NTRK3: variants seen among roughly 807,000 people sequenced by gnomAD.
The protein encoded by NTRK3 is NT-3 growth factor receptor.
NTRK3 carries 24 observed loss-of-function variants against 91.7 expected under a neutral mutation model. The ratio of observed to expected loss-of-function variants is 0.26; its 90% confidence interval spans 0.19 to 0.37. The LOEUF (loss-of-function observed/expected upper bound fraction) is 0.37. Among genes scored for constraint, NTRK3 ranks in the 10% least tolerant of loss-of-function variants. The pLI is 1.00. For missense variants in NTRK3, 880 were observed against 1,068.9 expected, an observed-to-expected ratio of 0.82 and a Z score of 2.46; for synonymous variants, 483 against 404.0, an observed-to-expected ratio of 1.20 and a Z score of -2.34.
intron 14 of NTRK3, among the ~76,000 whole-genome samples, chr15:87,964,383 A>G (rs1596439439): frequency 1.3e-5 from 2 of 150,692 alleles, no homozygotes; most frequent in Admixed American, 1.3e-4. Context: ...TAGTTTATAT[A>G]TTATATATTT....
At chr15:87,953,031 C>T (rs2071301612) in intron 14 of NTRK3, among the ~76,000 whole-genome samples, 1 of 152,180 alleles carries the variant, frequency 6.6e-6, no homozygotes, top group Non-Finnish European at 1.5e-5. Context: ...ATCCATGCTT[C>T]CCCCTGTCGA....
chr15:88,123,778 G>C (rs1002489276), intron 13 of NTRK3, among the ~76,000 whole-genome samples: 1 of 152,198 alleles, frequency 6.6e-6, no homozygotes, highest in Admixed American at 6.5e-5. Flanking sequence ...GCAATTGGTT[G>C]AAAGAGTTAT....
Position 87,955,653 on chromosome 15 carries a change from C to T in NTRK3, c.1586-14900G>A, listed in dbSNP as rs1240490994. Among the ~76,000 whole-genome samples the T allele has an allele frequency of 6.6e-5, 10 of 152,294 alleles. No individual in the cohort carries two copies. The East Asian group carries it at 1.5e-3, about 24-fold the overall frequency. ...AGCTGGAAATGTTCACCTACACCAACGCCTCTGAGTAACCCTTGCTCCAAA... is the reference window on the plus strand; with the variant it reads ...AGCTGGAAATGTTCACCTACACCAATGCCTCTGAGTAACCCTTGCTCCAAA... On this transcript the variant is annotated intron_variant, in intron 14 of 18. Coordinates refer to ENST00000394480, the Ensembl canonical transcript of NTRK3.
Position 88,241,289 on chromosome 15 carries a change from G to T in NTRK3, c.248+14617C>A, listed in dbSNP as rs2052326863. ...GGGGCCTCAAGGTCAGAGCATGCCT[G>T]CCCAGACAGCAGGCAACAGCAGTCC... is the stretch of plus-strand genomic sequence containing the variant. On this transcript the variant is annotated intron_variant, in intron 3 of 18. Transcript: ENST00000394480. The surrounding 1 kb of genome is among the most constrained non-coding windows in gnomAD (Gnocchi z 4.3). Among the ~76,000 whole-genome samples the T allele has an allele frequency of 6.6e-6, 1 of 152,150 alleles. No individual in the cohort carries two copies. The highest frequency in any genetic ancestry group is 1.5e-5 in the Non-Finnish European group (1 of 68,016).
rs1170374813 is a variant in NTRK3 at position 88,233,795 on chromosome 15, C to G, written c.248+22111G>C. 9.9e-5 allele frequency among the ~76,000 whole-genome samples: 15 copies of G among 151,930 alleles called. No homozygotes were observed. The highest frequency in any genetic ancestry group is 5.9e-5 in the Non-Finnish European group (4 of 67,996). ...CTCCTCCCCTGACATCCAGTGCTCC[C>G]CCTCCCTGCCTTGTCCAAGAGAATC... On this transcript the variant is annotated intron_variant, in intron 3 of 18. Transcript: ENST00000394480. This position sits in a 1 kb window ranked among gnomAD's most constrained non-coding sequence, Gnocchi z 4.2.
intron 17 of NTRK3, among the ~76,000 whole-genome samples, chr15:87,910,789 T>A (rs1321681464): frequency 6.6e-6 from 1 of 152,148 alleles, no homozygotes. Flanking sequence ...AAGAATACTA[T>A]GCATCACTGG....
intron 13 of NTRK3, among the ~76,000 whole-genome samples, chr15:88,091,668 A>G (rs997595627): frequency 2.0e-5 from 3 of 152,144 alleles, no homozygotes; most frequent in African/African-American, 7.2e-5. Context: ...GCACAAGAGT[A>G]GGGAGATCAC....
chr15:87,999,049 G>C (rs960711035), intron 14 of NTRK3, among the ~76,000 whole-genome samples: 1 of 152,108 alleles, frequency 6.6e-6, no homozygotes, highest in Non-Finnish European at 1.5e-5. Flanking sequence ...AGTCTGCCCA[G>C]GGTATGAAAG....
At chr15:88,252,489 CTT>C (rs1394044020) in intron 3 of NTRK3, 1 of 152,302 alleles carries the variant, frequency 6.6e-6, no homozygotes, top group Non-Finnish European at 1.5e-5. Flanking sequence ...AGCCCGTGGT[CTT>C]TGCAAGCCGA....
chr15:88,215,640 G>C (rs1246413713), intron 3 of NTRK3, among the ~76,000 whole-genome samples: 1 of 152,214 alleles, frequency 6.6e-6, no homozygotes, highest in African/African-American at 2.4e-5. Context: ...TCTAATGCTA[G>C]CAACACAATT....
chr15:88,137,495 C>G (rs778539769), exon 7 of NTRK3: 1 of 1,614,200 alleles, frequency 6.2e-7, no homozygotes, highest in Non-Finnish European at 8.5e-7. Flanking sequence ...TGGCCTCCCC[C>G]TGCTCCTGCC....
chr15:88,100,883 T>C (rs951124912), intron 13 of NTRK3, among the ~76,000 whole-genome samples: 1 of 152,300 alleles, frequency 6.6e-6, no homozygotes, highest in African/African-American at 2.4e-5. Context: ...GATTAAAGAC[T>C]TAAATGTTAG....
chr15:88,002,769 A>G (rs1315682233), intron 14 of NTRK3, among the ~76,000 whole-genome samples: 1 of 152,130 alleles, frequency 6.6e-6, no homozygotes, highest in African/African-American at 2.4e-5. Flanking sequence ...CTTTAAACCA[A>G]CAGAAAATTA....
chr15:87,998,410 T>A (rs1841551), intron 14 of NTRK3, among the ~76,000 whole-genome samples: 1 of 152,116 alleles, frequency 6.6e-6, no homozygotes, highest in East Asian at 1.9e-4. Flanking sequence ...CATGGCCACA[T>A]GGCCAAGGAC....
intron 13 of NTRK3, among the ~76,000 whole-genome samples, chr15:88,033,334 A>C (rs1187815227): frequency 6.7e-6 from 1 of 149,846 alleles, no homozygotes; most frequent in Non-Finnish European, 1.5e-5. Context: ...TAAATGAAAT[A>C]GAGTCTCTCT....
At chr15:88,245,564 G>A (rs764535347) in intron 3 of NTRK3, among the ~76,000 whole-genome samples, 11 of 152,162 alleles carry the variant, frequency 7.2e-5, no homozygotes, top group Non-Finnish European at 1.5e-4. Context: ...AGATTAATCT[G>A]TTAGGGTGTG....
chr15:87,959,371 T>C (rs560965121), intron 14 of NTRK3, among the ~76,000 whole-genome samples: 1 of 152,294 alleles, frequency 6.6e-6, no homozygotes, highest in African/African-American at 2.4e-5. Context: ...CTGGGTTTTA[T>C]TGTCATTACT....
At chr15:88,138,145 T>A (rs1247111580) in intron 6 of NTRK3, among the ~76,000 whole-genome samples, 1 of 152,196 alleles carries the variant, frequency 6.6e-6, no homozygotes, top group Non-Finnish European at 1.5e-5. Flanking sequence ...GGCTCACACC[T>A]GTAATCCCAG....
At chr15:87,999,618 G>A (rs1171712672) in intron 14 of NTRK3, among the ~76,000 whole-genome samples, 2 of 152,142 alleles carry the variant, frequency 1.3e-5, no homozygotes, top group African/African-American at 2.4e-5. Flanking sequence ...AATATGGCAG[G>A]CCCTATCACA....
Sources: gnomAD v4.1 joint callset for allele counts (sites outside exome capture counted in the v4.1 genomes callset) on GRCh38, gnomAD v4.1.1 for gene constraint, Gnocchi (gnomAD v3.1) non-coding constraint, MANE v1.5 for transcripts, NCBI Gene and HGNC (gene_info 2026-07-23, HGNC 2026-07-21) for gene names.